The following CELF4 variants were observed in gnomAD, a reference collection of about 807,000 sequenced individuals.
CELF4 encodes CUG-BP- and ETR-3-like factor 4.
Under a neutral mutation model 59.9 loss-of-function variants are expected in CELF4, and 18 were observed. The observed-to-expected ratio is 0.30, with a 90% CI of 0.21 to 0.45. The LOEUF (loss-of-function observed/expected upper bound fraction) is 0.45. CELF4 is among the 20% of genes least tolerant of loss of function. The pLI, the probability that CELF4 is intolerant of heterozygous loss-of-function variation, is 1.00. For missense variants in CELF4, 456 were observed against 689.0 expected, an observed-to-expected ratio of 0.66 and a Z score of 3.79; for synonymous variants, 261 against 267.1, an observed-to-expected ratio of 0.98 and a Z score of 0.22.
chr18:37,364,893 A>G (rs1029788623), intron 2 of CELF4, among the ~76,000 whole-genome samples: 1 of 152,106 alleles, frequency 6.6e-6, no homozygotes, highest in African/African-American at 2.4e-5. Context: ...GTGACTATGG[A>G]GCTCAAGACG....
At chr18:37,548,914 C>CT (rs1465133698) in intron 1 of CELF4, among the ~76,000 whole-genome samples, 2 of 152,222 alleles carry the variant, frequency 1.3e-5, no homozygotes, top group African/African-American at 4.8e-5. Flanking sequence ...CCCAGGAGCC[C>CT]TGCAACATCC....
At chr18:37,336,774 G>T (rs1163418837) in intron 2 of CELF4, among the ~76,000 whole-genome samples, 2 of 152,356 alleles carry the variant, frequency 1.3e-5, no homozygotes, top group South Asian at 4.1e-4. Flanking sequence ...GACGGTGGAT[G>T]CGGCGTCTCT....
At chr18:37,412,960 C>T (rs2099487044) in intron 2 of CELF4, among the ~76,000 whole-genome samples, 1 of 152,126 alleles carries the variant, frequency 6.6e-6, no homozygotes, top group Admixed American at 6.5e-5. Flanking sequence ...TCACTGCCTG[C>T]TCATGGCTTA....
chr18:37,548,626 T>C (rs190650863), intron 1 of CELF4, among the ~76,000 whole-genome samples: 1 of 152,302 alleles, frequency 6.6e-6, no homozygotes, highest in East Asian at 1.9e-4. Context: ...CCTTAATGCA[T>C]GACAGTGACC....
At chr18:37,406,855 G>A (rs2099392510) in intron 2 of CELF4, among the ~76,000 whole-genome samples, 1 of 152,002 alleles carries the variant, frequency 6.6e-6, no homozygotes, top group South Asian at 2.1e-4. Context: ...TTATGGGGTT[G>A]TGGGGAAGTG....
At chr18:37,531,999 C>A (rs78568818) in intron 1 of CELF4, among the ~76,000 whole-genome samples, 13 of 152,346 alleles carry the variant, frequency 8.5e-5, no homozygotes, top group Admixed American at 3.9e-4. Flanking sequence ...CTGTCCATCG[C>A]CTATGGCGCA....
intron 2 of CELF4, among the ~76,000 whole-genome samples, chr18:37,427,037 C>CG (rs5741769): frequency 0.1 from 12,841 of 122,584 alleles, 777 homozygotes; most frequent in Admixed American, 0.14. Context: ...AGCAGGGACA[C>CG]GGGGGGGGGG....
At chr18:37,381,001 A>ACCAT (rs2099033232) in intron 2 of CELF4, among the ~76,000 whole-genome samples, 1 of 146,958 alleles carries the variant, frequency 6.8e-6, no homozygotes, top group Non-Finnish European at 1.5e-5. Flanking sequence ...TCAACCATCC[A>ACCAT]CCATCCATCC....
intron 2 of CELF4, among the ~76,000 whole-genome samples, chr18:37,451,199 AG>A (rs1462622510): frequency 1.3e-5 from 2 of 152,054 alleles, no homozygotes; most frequent in Non-Finnish European, 1.5e-5. Flanking sequence ...TGGGAGGAGG[AG>A]GGGGACACTG....
chr18:37,494,870 C>T (rs1327378880), intron 1 of CELF4, among the ~76,000 whole-genome samples: 2 of 152,154 alleles, frequency 1.3e-5, no homozygotes, highest in Non-Finnish European at 2.9e-5. Context: ...AATCCTGTGG[C>T]CTTCTCTTGG....
intron 2 of CELF4, among the ~76,000 whole-genome samples, chr18:37,395,483 G>A (rs940583106): frequency 2.0e-5 from 3 of 152,296 alleles, no homozygotes; most frequent in African/African-American, 2.4e-5. Context: ...GAGATTTAGG[G>A]GAAGGGAACC....
intron 2 of CELF4, among the ~76,000 whole-genome samples, chr18:37,404,839 C>A (rs2099364635): frequency 6.6e-6 from 1 of 152,188 alleles, no homozygotes; most frequent in African/African-American, 2.4e-5. Context: ...GGCTGGCATG[C>A]CACCATTAGC....
At chr18:37,448,450 C>T (rs935289696) in intron 2 of CELF4, among the ~76,000 whole-genome samples, 1 of 152,268 alleles carries the variant, frequency 6.6e-6, no homozygotes, top group Non-Finnish European at 1.5e-5. Flanking sequence ...GAGGCCTTGC[C>T]TTCACACGGT....
Position 37,264,683 on chromosome 18 carries a change from G to T in CELF4, c.1240C>A (p.Gln414Lys). Residue 414 changes from glutamine to lysine, a missense_variant, in exon 10 of 13, where the codon CAG (glutamine) becomes AAG (lysine). Gln to Lys is a moderately conservative substitution (Grantham distance 53, BLOSUM62 1). Around this residue, in one of 7 missense-constraint regions of CELF4, gnomAD observed 256 missense variants for 340.8 expected, o/e 0.75. Transcript: ENST00000420428. ...TGGCCTGCAGACTCACCTTCTCTCTGCTGCTGGGGGATCATTGGAGGCGGC... is the reference window on the plus strand; with the variant it reads ...TGGCCTGCAGACTCACCTTCTCTCTTCTGCTGGGGGATCATTGGAGGCGGC... ...PQPPPMIPQQ[Q>K]REGPEGCNLF... 1 of 1,575,174 alleles carries T rather than the reference G, an allele frequency of 6.3e-7. No homozygotes were observed. Among genetic ancestry groups the T allele is most frequent in the Non-Finnish European group, 8.6e-7 (1 of 1,159,498 alleles).
chr18:37,511,445 G>T (rs1349461617), intron 1 of CELF4, among the ~76,000 whole-genome samples: 2 of 152,100 alleles, frequency 1.3e-5, no homozygotes, highest in South Asian at 2.1e-4. Context: ...CTCAGGCCCA[G>T]CTCAGCCTGG....
At chr18:37,308,592 C>G (rs2154481573) in intron 3 of CELF4, among the ~76,000 whole-genome samples, 1 of 152,340 alleles carries the variant, frequency 6.6e-6, no homozygotes, top group Non-Finnish European at 1.5e-5. Context: ...AAGACATCTC[C>G]TCCATGTATC....
At chr18:37,335,639 C>T (rs1390475625) in intron 2 of CELF4, among the ~76,000 whole-genome samples, 2 of 151,922 alleles carry the variant, frequency 1.3e-5, no homozygotes, top group African/African-American at 2.4e-5. Context: ...CTCTGAATTC[C>T]CTGTCCTCCC....
intron 11 of CELF4, chr18:37,258,914 G>A (rs1004683266): frequency 1.9e-6 from 1 of 538,156 alleles, no homozygotes; most frequent in Non-Finnish European, 3.3e-6. Flanking sequence ...AGTGGGAGAT[G>A]GGGAGCCAGG....
chr18:37,365,299 T>G (rs186569321), intron 2 of CELF4, among the ~76,000 whole-genome samples: 2 of 152,042 alleles, frequency 1.3e-5, no homozygotes, highest in East Asian at 3.9e-4. Context: ...GAGAGTTGAT[T>G]GAGCCCTTTC....
Sources: gnomAD v4.1 joint callset for allele counts (sites outside exome capture counted in the v4.1 genomes callset) on GRCh38, gnomAD v4.1.1 for gene constraint, gnomAD v4.1.1 regional missense constraint, MANE v1.5 for transcripts, NCBI Gene and HGNC (gene_info 2026-07-23, HGNC 2026-07-21) for gene names.